The following ADCY5 variants were observed in gnomAD, a reference collection of about 807,000 sequenced individuals.
ADCY5 encodes adenylate cyclase type 5.
Under a neutral mutation model 119.7 loss-of-function variants are expected in ADCY5, and 30 were observed. The ratio of observed to expected loss-of-function variants is 0.25; its 90% CI spans 0.19 to 0.34. The LOEUF is 0.34. ADCY5 is among the 10% of genes least tolerant of loss of function. ADCY5 has a pLI of 1.00. For synonymous variants in ADCY5, 753 were observed against 762.2 expected (o/e 0.99, Z 0.20); for missense variants, 1,324 against 1,775.2 (o/e 0.75, Z 4.57).
At chr3:123,387,212 G>A (rs930244743) in intron 1 of ADCY5, among the ~76,000 whole-genome samples, 1 of 152,240 alleles carries the variant, frequency 6.6e-6, no homozygotes, top group East Asian at 1.9e-4. Flanking sequence ...TGTGGGTTGT[G>A]AGAGCTATTC....
At chr3:123,367,492 A>T (rs1943486272) in intron 1 of ADCY5, among the ~76,000 whole-genome samples, 1 of 152,020 alleles carries the variant, frequency 6.6e-6, no homozygotes, top group Non-Finnish European at 1.5e-5. Context: ...CTCTTCCAAA[A>T]ATCTCATCTT....
chr3:123,416,046 T>A (rs775133710), intron 1 of ADCY5: 3 of 905,210 alleles, frequency 3.3e-6, no homozygotes, highest in Non-Finnish European at 4.8e-6. Flanking sequence ...AAATCCAAGA[T>A]AAAGTTCCCA....
chr3:123,330,485 A>G (rs1195594257), intron 5 of ADCY5, among the ~76,000 whole-genome samples: 2 of 152,326 alleles, frequency 1.3e-5, no homozygotes, highest in East Asian at 1.9e-4. Context: ...TCTAACCCCT[A>G]TGAGCCCAAC....
intron 1 of ADCY5, among the ~76,000 whole-genome samples, chr3:123,377,242 C>T (rs938713169): frequency 2.0e-5 from 3 of 152,304 alleles, no homozygotes; most frequent in African/African-American, 7.2e-5. Flanking sequence ...TTCAGCTCTC[C>T]GGGCTCGAGT....
intron 4 of ADCY5, 106 bp from the exon 5 acceptor site, chr3:123,331,122 T>A: frequency 7.6e-7 from 1 of 1,316,188 alleles, no homozygotes. Context: ...ATAACTTGCC[T>A]TTTAGGGCAG....
chr3:123,362,181 T>C (rs1441430845), intron 1 of ADCY5, among the ~76,000 whole-genome samples: 4 of 152,212 alleles, frequency 2.6e-5, no homozygotes, highest in Admixed American at 2.6e-4. Flanking sequence ...GGGATATATC[T>C]AGGAGCAGAA....
At chr3:123,411,920 C>T (rs888824545) in intron 1 of ADCY5, among the ~76,000 whole-genome samples, 2 of 152,180 alleles carry the variant, frequency 1.3e-5, no homozygotes, top group Non-Finnish European at 2.9e-5. Flanking sequence ...AGTGTCCATC[C>T]CCGCAGCCTG....
chr3:123,334,502 C>T (rs1941932459), intron 3 of ADCY5, among the ~76,000 whole-genome samples: 1 of 152,208 alleles, frequency 6.6e-6, no homozygotes, highest in Non-Finnish European at 1.5e-5. Context: ...CTTTGGGAGG[C>T]TTAAGTGGGC....
At chr3:123,391,864 C>T (rs972596527) in intron 1 of ADCY5, among the ~76,000 whole-genome samples, 12 of 152,132 alleles carry the variant, frequency 7.9e-5, no homozygotes, top group Admixed American at 2.6e-4. Context: ...CTGGGGTGGC[C>T]GGTGGATCTA....
chr3:123,419,315 T>C (rs1213140658), intron 1 of ADCY5: 2 of 502,188 alleles, frequency 4.0e-6, no homozygotes, highest in Non-Finnish European at 5.1e-6. Context: ...GGCAGCACTA[T>C]TCCATCACTC....
At chr3:123,367,436 T>C (rs1943484791) in intron 1 of ADCY5, among the ~76,000 whole-genome samples, 1 of 152,190 alleles carries the variant, frequency 6.6e-6, no homozygotes, top group South Asian at 2.1e-4. Flanking sequence ...GCAAGAGGTT[T>C]TGTGGGCTAG....
chr3:123,365,144 G>A (rs1381078968), intron 1 of ADCY5, among the ~76,000 whole-genome samples: 1 of 152,102 alleles, frequency 6.6e-6, no homozygotes, highest in Admixed American at 6.5e-5. Context: ...ATTTAGTAGA[G>A]ATAGGGTTTC....
At chr3:123,348,276 A>C (rs1942669368) in intron 2 of ADCY5, among the ~76,000 whole-genome samples, 1 of 152,114 alleles carries the variant, frequency 6.6e-6, no homozygotes, top group Non-Finnish European at 1.5e-5. Context: ...TCTGAGCCTC[A>C]GGTTGCTCGT....
intron 1 of ADCY5, among the ~76,000 whole-genome samples, chr3:123,378,339 C>T (rs1193580173): frequency 1.3e-5 from 2 of 151,770 alleles, no homozygotes; most frequent in African/African-American, 4.8e-5. Flanking sequence ...ACGTGCTATT[C>T]TATTAGTCAG....
chr3:123,373,029 G>C (rs552811548), intron 1 of ADCY5, among the ~76,000 whole-genome samples: 1 of 152,158 alleles, frequency 6.6e-6, no homozygotes, highest in Non-Finnish European at 1.5e-5. Flanking sequence ...TCTCCTGCCC[G>C]GTTAAGGTTC....
intron 1 of ADCY5, among the ~76,000 whole-genome samples, chr3:123,379,704 G>A (rs1306858713): frequency 6.6e-6 from 1 of 152,016 alleles, no homozygotes; most frequent in Admixed American, 6.6e-5. Context: ...AGGGTGGGGA[G>A]GCCTCACAGT....
chr3:123,319,226 C>T (rs1324006736), intron 10 of ADCY5, among the ~76,000 whole-genome samples: 9 of 151,616 alleles, frequency 5.9e-5, no homozygotes, highest in East Asian at 1.9e-4. Flanking sequence ...TGGTGGCGGG[C>T]GCCTATAATC....
intron 16 of ADCY5, 65 bp from the exon 17 acceptor site, chr3:123,296,281 C>T (rs774471785): frequency 5.9e-6 from 9 of 1,530,210 alleles, no homozygotes; most frequent in Non-Finnish European, 7.1e-6. Context: ...CTGAGGACCC[C>T]ACCCCCACCC....
At chr3:123,381,205 G>A (rs1254624478) in intron 1 of ADCY5, among the ~76,000 whole-genome samples, 1 of 152,188 alleles carries the variant, frequency 6.6e-6, no homozygotes, top group Non-Finnish European at 1.5e-5. Flanking sequence ...AGTAAATGCC[G>A]AGGATTTTCA....
Sources: allele counts gnomAD v4.1 joint callset (sites outside exome capture counted in the v4.1 genomes callset), GRCh38; gene constraint gnomAD v4.1.1; transcripts MANE v1.5; gene names NCBI Gene and HGNC (gene_info 2026-07-23, HGNC 2026-07-21).